POP1: variants seen among roughly 807,000 people sequenced by gnomAD.
POP1 encodes the protein POP1 ribonuclease P/MRP subunit.
In POP1, 75 loss-of-function variants were observed where a neutral mutation model predicts 102.2. That is an observed-to-expected ratio of 0.73 (90% CI 0.61 to 0.89). The LOEUF is 0.89. Ranked by LOEUF, POP1 falls within the 40% of genes least tolerant of loss-of-function variation. POP1 has a pLI of 0.00. For synonymous variants in POP1, 436 were observed against 464.1 expected (o/e 0.94, Z 0.78); for missense variants, 1,116 against 1,267.4 (o/e 0.88, Z 1.81).
At chr8:98,120,287 G>A (rs1466552164) in intron 1 of POP1, among the ~76,000 whole-genome samples, 1 of 152,176 alleles carries the variant, frequency 6.6e-6, no homozygotes, top group Non-Finnish European at 1.5e-5. Context: ...AGATATAGCT[G>A]TCTTTCATTT....
intron 7 of POP1, among the ~76,000 whole-genome samples, chr8:98,135,882 G>A (rs762102710): frequency 1.9e-4 from 29 of 151,674 alleles, no homozygotes; most frequent in Non-Finnish European, 3.5e-4. Context: ...TTTTTATTTT[G>A]TGTAGGAACA....
Position 98,156,127 on chromosome 8 carries a change from C to T in POP1, c.2135C>T (p.Thr712Ile), listed in dbSNP as rs1563786885. 3.1e-6 allele frequency: 5 copies of T among 1,614,014 alleles called. No individual in the cohort carries two copies. The highest frequency in any genetic ancestry group is 1.1e-5 in the South Asian group (1 of 91,076). ...TTCTGCTGTCCCTGGGAGCAGTTAA[C>T]TCAAGACTGGGAGTCAAGAGTCCAG... Reference protein sequence around the residue: ...APFCCPWEQLTQDWESRVQAY... With the variant: ...APFCCPWEQLIQDWESRVQAY... The change falls in exon 15 of 16, where the codon ACT (threonine) becomes ATT (isoleucine). Residue 712 changes from threonine to isoleucine, a missense_variant. By Grantham distance (89) the Thr-to-Ile change is moderately conservative (BLOSUM62 -1). Coordinates refer to ENST00000401707, the MANE Select transcript of POP1 (RefSeq NM_001145860.2).
chr8:98,155,149 T>C (rs1431098638), intron 14 of POP1, among the ~76,000 whole-genome samples: 1 of 152,154 alleles, frequency 6.6e-6, no homozygotes, highest in Non-Finnish European at 1.5e-5. Context: ...GGCACAACTC[T>C]AGGGGCACCA....
chr8:98,126,796 A>T (rs1816218929), intron 2 of POP1, among the ~76,000 whole-genome samples: 1 of 152,192 alleles, frequency 6.6e-6, no homozygotes. Flanking sequence ...GCTGTGTATG[A>T]TAAGGCGAAA....
In POP1 at chr8:98,156,166, C is replaced by A; in HGVS notation, c.2174C>A (p.Pro725His). ...WESRVQAYEEPSVASSPNGKE... is the reference protein window; with the variant it reads ...WESRVQAYEEHSVASSPNGKE... ...TCAAGAGTCCAGGCTTACGAAGAAC[C>A]TTCTGTAGCTTCATCTCCAAATGGT... Residue 725 changes from proline to histidine, a missense_variant, in exon 15 of 16, where the codon CCT becomes CAT. Coordinates refer to ENST00000401707, the MANE Select transcript of POP1 (RefSeq NM_001145860.2). The A allele has an allele frequency of 1.2e-6, 2 of 1,614,082 alleles. No individual in the cohort carries two copies. The highest frequency in any genetic ancestry group is 1.7e-6 in the Non-Finnish European group (2 of 1,180,018).
chr8:98,154,253 G>A (rs1287314436), intron 14 of POP1, among the ~76,000 whole-genome samples: 1 of 152,228 alleles, frequency 6.6e-6, no homozygotes, highest in Non-Finnish European at 1.5e-5. Context: ...TGCCACTCGG[G>A]CTGGCATGGG....
intron 2 of POP1, among the ~76,000 whole-genome samples, chr8:98,127,134 C>T (rs1405497489): frequency 2.0e-5 from 3 of 152,184 alleles, no homozygotes; most frequent in Admixed American, 6.6e-5. Context: ...GTGAGCACTC[C>T]TTTATAAGGA....
chr8:98,148,973 A>G lies in POP1; in HGVS notation c.1869A>G (p.Pro623=), dbSNP rs1477522263. The part of the protein sequence containing the change: ...GWGSGWDVLL[P]KGWGMAFWIP... ...GAAGTGGCTGGGATGTCCTACTCCC[A>G]AAGGGCTGGGGCATGGCTTTCTGGA... Residue 623 remains proline (P), a synonymous_variant, in exon 13 of 16, where the codon CCA becomes CCG. Coordinates refer to ENST00000401707, the MANE Select transcript of POP1 (RefSeq NM_001145860.2). The G allele has an allele frequency of 1.2e-6, 2 of 1,613,612 alleles. No homozygotes were observed. Among genetic ancestry groups the G allele is most frequent in the East Asian group, 2.2e-5 (1 of 44,882 alleles).
chr8:98,126,856 T>C (rs775938252), intron 2 of POP1, among the ~76,000 whole-genome samples: 3 of 152,228 alleles, frequency 2.0e-5, no homozygotes, highest in Non-Finnish European at 2.9e-5. Flanking sequence ...CCTCAAGATA[T>C]CTCATTTTAT....
At position 98,132,356 on chromosome 8, in the gene POP1, A is replaced by G. The variant is rs74771238; in HGVS notation, c.736-1593A>G. On this transcript the variant is annotated intron_variant, in intron 5 of 15. Transcript: ENST00000401707. ...CCCAGTTGCCTGACTCCAGGGTTCC[A>G]CACTCTGAACCATTATTCTCTGCTG... 8.1e-3 allele frequency among the ~76,000 whole-genome samples: 1,227 copies of G among 152,310 alleles called. 14 individuals are homozygous for G. The highest frequency in any genetic ancestry group is 0.028 in the African/African-American group (1,167 of 41,564).
intron 11 of POP1, among the ~76,000 whole-genome samples, chr8:98,142,693 C>T (rs1309924879): frequency 2.0e-5 from 3 of 152,126 alleles, no homozygotes; most frequent in South Asian, 2.1e-4. Flanking sequence ...ACCTTGTGCT[C>T]GTGGGCTTAT....
At chr8:98,127,965 C>G (rs1396319975) in intron 3 of POP1, among the ~76,000 whole-genome samples, 7 of 152,104 alleles carry the variant, frequency 4.6e-5, no homozygotes, top group Non-Finnish European at 7.4e-5. Context: ...CAGTTTCTCT[C>G]CCTGTCTCTT....
rs1046321766 is a variant in POP1, at chr8:98,139,470, C to G, written c.1363-608C>G. Reference sequence around the variant, plus strand: ...GGCGTGTGGCTCACACCTGAAATCCCAGCTCTTTGGGAGGCTGAGGTGGGT... The same window carrying G: ...GGCGTGTGGCTCACACCTGAAATCCGAGCTCTTTGGGAGGCTGAGGTGGGT... On this transcript the variant is annotated intron_variant, in intron 9 of 15. Transcript: ENST00000401707. Among the ~76,000 whole-genome samples the G allele has an allele frequency of 2.6e-5, 4 of 152,250 alleles. No homozygotes were observed. In the South Asian group the frequency reaches 6.2e-4, roughly 24 times the overall value.
In POP1 at chr8:98,130,214, G is replaced by A; in HGVS notation, c.723G>A (p.Arg241=). The change falls in exon 5 of 16, where the codon CGG becomes CGA. Residue 241 remains arginine, a synonymous_variant. Transcript: ENST00000401707. ...CCTGCTATCGAGCCATGACGAACCG[G>A]TGCCTCCTGCAGGTGAGCTTTTCCA... The part of the protein sequence containing the change: ...HRACYRAMTN[R]CLLQDLSYYC... 1 of 1,614,158 alleles carries A rather than the reference G, an allele frequency of 6.2e-7. No individual in the cohort carries two copies. The highest frequency in any genetic ancestry group is 8.5e-7 in the Non-Finnish European group (1 of 1,180,022).
In POP1 at chr8:98,140,138, G is replaced by A. The variant is rs755427708; in HGVS notation, c.1423G>A (p.Asp475Asn). The stretch of plus-strand genomic sequence containing the variant: ...GTGGATAGAAACCTGTAAGAAACCT[G>A]ACAGCGTTTCCCTTCATTGCAGACA... Reference protein sequence around the residue: ...RWWIETCKKPDSVSLHCRQEA... With the variant: ...RWWIETCKKPNSVSLHCRQEA... Residue 475 changes from aspartate (D) to asparagine (N), a missense_variant, in exon 10 of 16, where the codon GAC becomes AAC. Coordinates refer to ENST00000401707, the MANE Select transcript of POP1 (RefSeq NM_001145860.2). 4.3e-6 allele frequency: 7 copies of A among 1,614,150 alleles called. No homozygotes were observed. The South Asian group carries it at 7.7e-5, about 18-fold the overall frequency.
In POP1 at chr8:98,158,000, A is replaced by G; in HGVS notation, c.2804A>G (p.Glu935Gly). Residue 935 changes from glutamate (E) to glycine (G), a missense_variant, in exon 16 of 16, where the codon GAG becomes GGG. Coordinates refer to ENST00000401707, the MANE Select transcript of POP1 (RefSeq NM_001145860.2). ...TCTTCTGATGGCCCGGCGGGGGAAG[A>G]GCCCGTGGCTGGGCAGGAAGCTCTG... The part of the protein sequence containing the change: ...RASSDGPAGE[E>G]PVAGQEALTL... 6.2e-7 allele frequency: 1 copy of G among 1,612,756 alleles called. No homozygotes were observed. Among genetic ancestry groups the G allele is most frequent in the African/African-American group, 1.3e-5 (1 of 75,062 alleles).
At chr8:98,149,121 A>T (rs1809446705) in intron 13 of POP1, 115 bp downstream of exon 13, 2 of 1,010,386 alleles carry the variant, frequency 2.0e-6, no homozygotes, top group Non-Finnish European at 3.0e-6. Context: ...TGAGTGGTGT[A>T]TTTCTGCCCT....
rs376126108 is a variant in POP1, at chr8:98,156,369, G to A, written c.2377G>A (p.Glu793Lys). 5.7e-5 allele frequency: 92 copies of A among 1,613,818 alleles called. 1 individual carries two copies. In the Middle Eastern group the frequency reaches 1.0e-3, roughly 18 times the overall value. ...GAGGATCACAGACCAGGAGGCCAGTGAAAACCATGTTGCTGCCACAGGGAG... is the reference window on the plus strand; with the variant it reads ...GAGGATCACAGACCAGGAGGCCAGTAAAAACCATGTTGCTGCCACAGGGAG... ...PERITDQEAS[E>K]NHVAATGSHL... is the part of the protein sequence containing the mutation. The change falls in exon 15 of 16, where the codon GAA becomes AAA. Residue 793 changes from glutamate to lysine, a missense_variant. Glu to Lys is a moderately conservative substitution (Grantham distance 56). Transcript: ENST00000401707.
chr8:98,138,238 G>A (rs951184230), intron 9 of POP1, among the ~76,000 whole-genome samples: 1 of 152,150 alleles, frequency 6.6e-6, no homozygotes, highest in African/African-American at 2.4e-5. Context: ...GCTTCTCATT[G>A]TAATTAAGAT....
Sources: gnomAD v4.1 joint callset for allele counts (sites outside exome capture counted in the v4.1 genomes callset) on GRCh38, gnomAD v4.1.1 for gene constraint, MANE v1.5 for transcripts, NCBI Gene and HGNC (gene_info 2026-07-23, HGNC 2026-07-21) for gene names.